The following COP1 variants were observed in gnomAD, a reference collection of about 807,000 sequenced individuals.
The protein encoded by COP1 is E3 ubiquitin-protein ligase COP1.
In COP1, 24 loss-of-function variants were observed where a neutral mutation model predicts 101.3. The observed-to-expected ratio is 0.24, with a 90% CI of 0.17 to 0.33. The LOEUF (loss-of-function observed/expected upper bound fraction) is 0.33, where lower values mean the gene tolerates loss of function less well. COP1 is among the 10% of genes least tolerant of loss of function. COP1 has a pLI of 1.00. For synonymous variants in COP1, 347 were observed against 341.9 expected (o/e 1.01, Z -0.17); for missense variants, 663 against 906.2 (o/e 0.73, Z 3.45).
At chr1:176,033,393 C>T (rs1278724320) in intron 14 of COP1, among the ~76,000 whole-genome samples, 1 of 152,064 alleles carries the variant, frequency 6.6e-6, no homozygotes, top group African/African-American at 2.4e-5. Flanking sequence ...TGCCATTGCA[C>T]TCCAGCCTGG....
intron 18 of COP1, among the ~76,000 whole-genome samples, chr1:175,964,647 T>G (rs1651777549): frequency 6.6e-6 from 1 of 152,210 alleles, no homozygotes; most frequent in Non-Finnish European, 1.5e-5. Flanking sequence ...CCCACTAAGT[T>G]TAAATTGTAT....
intron 9 of COP1, among the ~76,000 whole-genome samples, chr1:176,099,738 G>A (rs1282675853): frequency 1.3e-5 from 2 of 152,186 alleles, no homozygotes; most frequent in African/African-American, 2.4e-5. Context: ...GCCAATAAAA[G>A]CCCCTTGGGA....
intron 19 of COP1, among the ~76,000 whole-genome samples, chr1:175,945,833 G>A (rs1252740446): frequency 6.6e-6 from 1 of 152,138 alleles, no homozygotes; most frequent in Non-Finnish European, 1.5e-5. Context: ...ATATTTAAAC[G>A]TGCAACCTTT....
At chr1:176,120,468 C>A (rs1046167323) in intron 8 of COP1, among the ~76,000 whole-genome samples, 1 of 151,442 alleles carries the variant, frequency 6.6e-6, no homozygotes, top group Non-Finnish European at 1.5e-5. Context: ...CATCAAAAAA[C>A]GTCAAGGGAA....
intron 9 of COP1, among the ~76,000 whole-genome samples, chr1:176,093,681 T>C (rs1429170360): frequency 2.0e-5 from 3 of 151,148 alleles, no homozygotes; most frequent in Non-Finnish European, 3.0e-5. Context: ...CTACTAAAAA[T>C]AAAAAAAAAT....
chr1:175,948,666 C>A (rs1649476397), intron 18 of COP1, among the ~76,000 whole-genome samples: 1 of 152,146 alleles, frequency 6.6e-6, no homozygotes, highest in African/African-American at 2.4e-5. Flanking sequence ...CAGAAATGTG[C>A]ATCTTGTTAC....
chr1:176,123,638 C>A (rs1687506877), intron 8 of COP1, among the ~76,000 whole-genome samples: 1 of 152,050 alleles, frequency 6.6e-6, no homozygotes, highest in African/African-American at 2.4e-5. Flanking sequence ...CCCTCTCAAG[C>A]CCAGAAACTT....
At chr1:176,148,455 C>T (rs1455450963) in intron 6 of COP1, among the ~76,000 whole-genome samples, 1 of 150,756 alleles carries the variant, frequency 6.6e-6, no homozygotes, top group African/African-American at 2.4e-5. Context: ...AGGATTTTGA[C>T]TATTTAATTT....
At position 175,993,724 on chromosome 1, in the gene COP1, C is replaced by A. The variant is rs572507417; in HGVS notation, c.1730-4245G>T. On this transcript the variant is annotated intron_variant, in intron 15 of 19. Transcript: ENST00000367669. ...GAATAAAAAGAAATGAGCAAAGCCT[C>A]CAAGAAATATGCGACTATGTGAAAA... is the stretch of plus-strand genomic sequence containing the variant. 2.6e-3 allele frequency among the ~76,000 whole-genome samples: 397 copies of A among 152,248 alleles called. 3 individuals are homozygous for A. Among genetic ancestry groups the A allele is most frequent in the African/African-American group, 9.1e-3 (380 of 41,544 alleles).
chr1:176,178,063 A>T (rs1161971600), intron 2 of COP1, among the ~76,000 whole-genome samples: 1 of 152,212 alleles, frequency 6.6e-6, no homozygotes, highest in Admixed American at 6.5e-5. Context: ...GGATTACCAT[A>T]ATCACAAAAT....
At chr1:176,142,881 T>C (rs1032909930) in intron 6 of COP1, among the ~76,000 whole-genome samples, 1 of 151,852 alleles carries the variant, frequency 6.6e-6, no homozygotes, top group East Asian at 1.9e-4. Flanking sequence ...TAAGAAACTA[T>C]GGCCCTAAAT....
At chr1:176,111,363 G>A (rs980160312) in intron 9 of COP1, among the ~76,000 whole-genome samples, 7 of 151,956 alleles carry the variant, frequency 4.6e-5, no homozygotes, top group African/African-American at 1.7e-4. Context: ...GCATGATCTT[G>A]GCTCACTGCA....
intron 9 of COP1, among the ~76,000 whole-genome samples, chr1:176,086,808 C>T (rs1299785794): frequency 6.6e-6 from 1 of 152,158 alleles, no homozygotes; most frequent in Non-Finnish European, 1.5e-5. Flanking sequence ...CAAGACAATC[C>T]TAAGCAAAAA....
intron 2 of COP1, among the ~76,000 whole-genome samples, chr1:176,181,427 C>CAG (rs555650569): frequency 6.8e-6 from 1 of 147,072 alleles, no homozygotes; most frequent in East Asian, 2.0e-4. Flanking sequence ...AACAAAACTG[C>CAG]AAAAAAAAAA....
rs56720201 is a variant in COP1, at chr1:176,081,294, GAA to G, written c.1142-9_1142-8del. On this transcript the variant is annotated splice_region_variant and splice_polypyrimidine_tract_variant and intron_variant, in intron 10 of 19. Transcript: ENST00000367669. ...CTTGCAGTTCGACTGTCATCTATATGAAAAAAAAAAAAAAAAGACAAAACAGA... is the reference window on the plus strand; with the variant it reads ...CTTGCAGTTCGACTGTCATCTATATGAAAAAAAAAAAAAAGACAAAACAGA... 0.025 allele frequency: 30,432 copies of G among 1,204,772 alleles called. No homozygotes were observed. The highest frequency in any genetic ancestry group is 0.041 in the South Asian group (2,421 of 58,874). The allele number at this position is 1,204,772 out of a possible 1,614,324, so 74.6% of individuals were successfully genotyped here.
At chr1:176,164,650 C>T (rs183184033) in intron 3 of COP1, among the ~76,000 whole-genome samples, 5 of 152,212 alleles carry the variant, frequency 3.3e-5, no homozygotes, top group African/African-American at 9.6e-5. Context: ...AGCCAAAAGA[C>T]CAAGGTATAT....
At chr1:175,956,148 G>A (rs536748471) in intron 18 of COP1, among the ~76,000 whole-genome samples, 4 of 151,998 alleles carry the variant, frequency 2.6e-5, no homozygotes, top group African/African-American at 9.6e-5. Context: ...TATTAGGATA[G>A]ACATATAAAT....
rs543731395 is a variant in COP1 at position 176,087,738 on chromosome 1, A to C, written c.1027-1848T>G. The stretch of plus-strand genomic sequence containing the variant: ...TAGAACTAGAAATACCATTTGACTC[A>C]GCCACCCCATTACGGGTTATATACC... On this transcript the variant is annotated intron_variant, in intron 9 of 19. Transcript: ENST00000367669. Among the ~76,000 whole-genome samples the C allele has an allele frequency of 1.1e-4, 17 of 152,352 alleles. 1 individual carries two copies. The South Asian group carries it at 3.3e-3, about 30-fold the overall frequency.
intron 9 of COP1, among the ~76,000 whole-genome samples, chr1:176,088,882 C>T (rs1303659910): frequency 2.0e-5 from 3 of 151,560 alleles, no homozygotes; most frequent in Non-Finnish European, 4.4e-5. Context: ...GTAATCCCAG[C>T]TACTCGGGAG....
Sources: allele counts gnomAD v4.1 joint callset (sites outside exome capture counted in the v4.1 genomes callset), GRCh38; gene constraint gnomAD v4.1.1; transcripts MANE v1.5; gene names NCBI Gene and HGNC (gene_info 2026-07-23, HGNC 2026-07-21).